Variants in ZNF431 observed in about 807,000 individuals in gnomAD.
ZNF431 encodes zinc finger protein 431.
Under a neutral mutation model 57.0 loss-of-function variants are expected in ZNF431, and 34 were observed. The ratio of observed to expected loss-of-function variants is 0.60; its 90% CI spans 0.45 to 0.79. ZNF431 has a LOEUF of 0.79. ZNF431 is among the 30% of genes least tolerant of loss of function. The pLI, the probability that ZNF431 is intolerant of heterozygous loss-of-function variation, is 0.00. For synonymous variants in ZNF431, 207 were observed against 220.3 expected, an observed-to-expected ratio of 0.94 and a Z score of 0.54; for missense variants, 607 against 667.1, an observed-to-expected ratio of 0.91 and a Z score of 0.99.
rs990034129 is a variant in ZNF431 at position 21,175,383 on chromosome 19, T to C, written c.320-7240T>C. ...TTTTTAAAATGACTGCTTAAAGATA[T>C]AAAGTTACTATTACCAGTTTTATTG... On this transcript the variant is annotated intron_variant, in intron 4 of 4. Transcript: ENST00000311048. The C allele has an allele frequency of 1.6e-5, 11 of 692,744 alleles. No homozygotes were observed. In the African/African-American group the frequency reaches 1.6e-4, roughly 10 times the overall value. 42.9% of individuals were successfully genotyped at this position (692,744 alleles called of 1,614,324 possible). A position where few individuals can be genotyped will look rare whatever the true frequency, so the allele number is the denominator to read the frequency against.
At position 21,153,809 on chromosome 19, in the gene ZNF431, C is replaced by T. The variant is rs779051989; in HGVS notation, c.96+10166C>T. ...TTGGCTCACCGCAACCTCTGCCTTC[C>T]GAGTTCAAGCGATTCTCCTGCCTCA... On this transcript the variant is annotated intron_variant, in intron 2 of 4. Transcript: ENST00000311048. 9.9e-5 allele frequency among the ~76,000 whole-genome samples: 15 copies of T among 152,172 alleles called. No homozygotes were observed. In the East Asian group the frequency reaches 1.2e-3, roughly 12 times the overall value.
chr19:21,170,250 G>A (rs913504555), intron 4 of ZNF431, among the ~76,000 whole-genome samples: 7 of 152,118 alleles, frequency 4.6e-5, no homozygotes, highest in Non-Finnish European at 8.8e-5. Flanking sequence ...CAACCTCAAT[G>A]TACCATGTAG....
chr19:21,146,780 A>T (rs996671378), intron 2 of ZNF431, among the ~76,000 whole-genome samples: 1 of 152,092 alleles, frequency 6.6e-6, no homozygotes, highest in African/African-American at 2.4e-5. Flanking sequence ...GTTACTTAGA[A>T]TGCCTAACCA....
At chr19:21,182,548 A>G in intron 4 of ZNF431, 75 bp from the exon 5 acceptor site, 2 of 1,437,226 alleles carry the variant, frequency 1.4e-6, no homozygotes, top group Middle Eastern at 1.8e-4. Flanking sequence ...AGTTTGTATA[A>G]TGTAGGTTAG....
rs901119918 is a variant in ZNF431, at chr19:21,193,547, TAAAAA to T, written c.*9514_*9518del. The T allele has an allele frequency of 2.3e-4, 35 of 151,928 alleles. No individual in the cohort carries two copies. Among genetic ancestry groups the T allele is most frequent in the African/African-American group, 8.0e-4 (33 of 41,374 alleles). The allele number at this position is 151,928 out of a possible 1,614,324, so 9.4% of individuals were successfully genotyped here. ...TCTCAAAATAAATTAATTAATAAAA[TAAAAA>T]CCTGTGTCATCTTGATACCGAAGTC... On this transcript the variant is annotated 3_prime_UTR_variant, in exon 5 of 5. Transcript: ENST00000311048.
rs1186365716 is a variant in ZNF431, at chr19:21,193,393, G to A, written c.*9359G>A. On this transcript the variant is annotated 3_prime_UTR_variant, in exon 5 of 5. Transcript: ENST00000311048. ...AAATACAAAATTAGCCAGGCGTGGT[G>A]GCATATGTCTGTAATCCCAGCTACT... The A allele has an allele frequency of 6.6e-6, 1 of 152,188 alleles. No individual in the cohort carries two copies. The highest frequency in any genetic ancestry group is 1.5e-5 in the Non-Finnish European group (1 of 68,054). The allele number at this position is 152,188 out of a possible 1,614,324, so 9.4% of individuals were successfully genotyped here. A position where few individuals can be genotyped will look rare whatever the true frequency, so the allele number is the denominator to read the frequency against.
At chr19:21,181,715 A>G (rs1409836905) in intron 4 of ZNF431, among the ~76,000 whole-genome samples, 1 of 151,544 alleles carries the variant, frequency 6.6e-6, no homozygotes, top group East Asian at 1.9e-4. Flanking sequence ...GATTTTCTAT[A>G]GTTGTCTGTG....
chr19:21,171,178 TTAGAC>T (rs1174352096), intron 4 of ZNF431, among the ~76,000 whole-genome samples: 1 of 151,788 alleles, frequency 6.6e-6, no homozygotes, highest in African/African-American at 2.4e-5. Context: ...AAGTTTCTTA[TTAGAC>T]TATTCTAATT....
At chr19:21,165,843 G>A (rs1970705275) in intron 2 of ZNF431, among the ~76,000 whole-genome samples, 1 of 151,652 alleles carries the variant, frequency 6.6e-6, no homozygotes, top group African/African-American at 2.4e-5. Flanking sequence ...AGTCTTCCTG[G>A]GATAAAAACA....
intron 4 of ZNF431, among the ~76,000 whole-genome samples, chr19:21,171,712 A>ATT (rs550012306): frequency 6.3e-4 from 57 of 90,890 alleles, no homozygotes; most frequent in African/African-American, 2.1e-3. Context: ...ATATATATAT[A>ATT]TTTTTTTTTT....
At chr19:21,164,079 C>A (rs375883838) in intron 2 of ZNF431, among the ~76,000 whole-genome samples, 24 of 138,368 alleles carry the variant, frequency 1.7e-4, no homozygotes, top group South Asian at 2.4e-4. Flanking sequence ...AACTCCATCT[C>A]AAAAAAAAAA....
Position 21,187,278 on chromosome 19 carries a change from T to G in ZNF431, c.*3244T>G. ...GAATATGGTGAAACCCAGTCTCTAC[T>G]AAAACTACAAAAATAGCCAGGCATG... On this transcript the variant is annotated 3_prime_UTR_variant, in exon 5 of 5. Transcript: ENST00000311048. 1 of 151,822 alleles carries G rather than the reference T, an allele frequency of 6.6e-6. No individual in the cohort carries two copies. The allele number at this position is 151,822 out of a possible 1,614,324, so 9.4% of individuals were successfully genotyped here. A position where few individuals can be genotyped will look rare whatever the true frequency, so the allele number is the denominator to read the frequency against.
In ZNF431 at chr19:21,183,150, A is replaced by G. The variant is rs1331537136; in HGVS notation, c.847A>G (p.Thr283Ala). 2 of 1,613,756 alleles carry G rather than the reference A, an allele frequency of 1.2e-6. No homozygotes were observed. The highest frequency in any genetic ancestry group is 1.3e-5 in the African/African-American group (1 of 74,880). Residue 283 changes from threonine to alanine, a missense_variant, in exon 5 of 5, where the codon ACT becomes GCT. Transcript: ENST00000311048. The stretch of plus-strand genomic sequence containing the variant: ...CCTTACTACACATAAGATAATTCAT[A>G]CTGGGGAGAAACCATATAGATGTGA... Reference protein sequence around the residue: ...STLTTHKIIHTGEKPYRCEEC... With the variant: ...STLTTHKIIHAGEKPYRCEEC...
chr19:21,165,417 G>T (rs1970695044), intron 2 of ZNF431, among the ~76,000 whole-genome samples: 1 of 152,174 alleles, frequency 6.6e-6, no homozygotes, highest in Non-Finnish European at 1.5e-5. Context: ...GAATGCGGGA[G>T]ATATCTTGAC....
chr19:21,169,939 G>A, intron 4 of ZNF431: 1 of 398,228 alleles, frequency 2.5e-6, no homozygotes, highest in Non-Finnish European at 4.4e-6. Context: ...GTCTCTGGAA[G>A]GGCAGGACCT....
intron 2 of ZNF431, among the ~76,000 whole-genome samples, chr19:21,164,579 C>G (rs1970665708): frequency 6.6e-6 from 1 of 152,006 alleles, no homozygotes; most frequent in Non-Finnish European, 1.5e-5. Context: ...TCTCAAGATG[C>G]AGGTGTTACT....
In ZNF431 at chr19:21,191,117, CTGACT is replaced by C. The variant is rs1171459610; in HGVS notation, c.*7085_*7089del. ...CAGCAGCTTTTTAATTTGAAGTGAT[CTGACT>C]TATTTTTCCTTTTGTGTCCTGGGAT... is the stretch of plus-strand genomic sequence containing the variant. On this transcript the variant is annotated 3_prime_UTR_variant, in exon 5 of 5. Transcript: ENST00000311048. 1 of 151,986 alleles carries C rather than the reference CTGACT, an allele frequency of 6.6e-6. No homozygotes were observed. Among genetic ancestry groups the C allele is most frequent in the African/African-American group, 2.4e-5 (1 of 41,370 alleles). 9.4% of individuals were successfully genotyped at this position (151,986 alleles called of 1,614,324 possible). A position where few individuals can be genotyped will look rare whatever the true frequency, so the allele number is the denominator to read the frequency against.
chr19:21,170,984 A>T (rs1007019657), intron 4 of ZNF431, among the ~76,000 whole-genome samples: 1 of 152,118 alleles, frequency 6.6e-6, no homozygotes, highest in Admixed American at 6.5e-5. Flanking sequence ...AACATAATTT[A>T]TTTCTAAATA....
At chr19:21,154,490 G>A (rs967166071) in intron 2 of ZNF431, among the ~76,000 whole-genome samples, 3 of 152,182 alleles carry the variant, frequency 2.0e-5, no homozygotes, top group African/African-American at 4.8e-5. Context: ...ATGTGTGCAT[G>A]TGTCTTTATA....
Sources: gnomAD v4.1 joint callset for allele counts (sites outside exome capture counted in the v4.1 genomes callset) on GRCh38, gnomAD v4.1.1 for gene constraint, MANE v1.5 for transcripts, NCBI Gene and HGNC (gene_info 2026-07-23, HGNC 2026-07-21) for gene names.